NCOA3: variants seen among roughly 807,000 people sequenced by gnomAD.
NCOA3 encodes the protein CBP-interacting protein.
Under a neutral mutation model 158.8 loss-of-function variants are expected in NCOA3, and 51 were observed. The ratio of observed to expected loss-of-function variants is 0.32; its 90% CI spans 0.26 to 0.41. The LOEUF is 0.41. Among genes scored for constraint, NCOA3 ranks in the 10% least tolerant of loss-of-function variants. The probability of loss-of-function intolerance (pLI) is 1.00; values close to 1 mark genes in which losing one functional copy is unlikely to be tolerated. For synonymous variants in NCOA3, 537 were observed against 592.4 expected, an observed-to-expected ratio of 0.91 and a Z score of 1.36; for missense variants, 1,510 against 1,746.6, an observed-to-expected ratio of 0.86 and a Z score of 2.41.
At chr20:47,565,772 G>C (rs1423571361) in intron 1 of NCOA3, among the ~76,000 whole-genome samples, 1 of 152,052 alleles carries the variant, frequency 6.6e-6, no homozygotes, top group Admixed American at 6.6e-5. Context: ...CTAGTAATTA[G>C]GACAGCTGGG....
At chr20:47,630,334 C>T (rs2086392608) in intron 8 of NCOA3, 2 of 152,034 alleles carry the variant, frequency 1.3e-5, no homozygotes, top group East Asian at 1.9e-4. Context: ...TTTAAATCTC[C>T]AGTAGCTTTT....
intron 1 of NCOA3, among the ~76,000 whole-genome samples, chr20:47,513,377 G>T (rs1024722470): frequency 6.6e-6 from 1 of 151,924 alleles, no homozygotes; most frequent in Admixed American, 6.6e-5. Context: ...ATATGAAACT[G>T]AATAAATCAT....
intron 2 of NCOA3, among the ~76,000 whole-genome samples, chr20:47,609,730 A>G (rs77902317): frequency 6.9e-6 from 1 of 145,914 alleles, no homozygotes; most frequent in African/African-American, 2.6e-5. Flanking sequence ...CTCCGTCTCA[A>G]AAAAAAAAAA....
chr20:47,515,194 C>T (rs1343011267), intron 1 of NCOA3, among the ~76,000 whole-genome samples: 2 of 151,190 alleles, frequency 1.3e-5, no homozygotes, highest in Non-Finnish European at 2.9e-5. Flanking sequence ...GATGGAGTCT[C>T]GCTCTGTTGC....
At chr20:47,547,718 C>T (rs950710417) in intron 1 of NCOA3, among the ~76,000 whole-genome samples, 1 of 149,390 alleles carries the variant, frequency 6.7e-6, no homozygotes, top group African/African-American at 2.5e-5. Flanking sequence ...GCGCCCGGCC[C>T]GTTTTGTTAT....
chr20:47,578,996 A>G (rs1018009938), intron 1 of NCOA3, among the ~76,000 whole-genome samples: 6 of 151,944 alleles, frequency 3.9e-5, no homozygotes, highest in African/African-American at 1.5e-4. Context: ...TATAGTTTGG[A>G]TTTTCCTGTG....
intron 1 of NCOA3, among the ~76,000 whole-genome samples, chr20:47,523,781 A>G (rs1032986667): frequency 6.6e-6 from 1 of 152,196 alleles, no homozygotes; most frequent in Non-Finnish European, 1.5e-5. Flanking sequence ...CTTTTTGTCA[A>G]CTATTATCCC....
At position 47,636,157 on chromosome 20, in the gene NCOA3, G is replaced by A; in HGVS notation, c.1771G>A (p.Asp591Asn). Residue 591 changes from aspartate (D) to asparagine (N), a missense_variant, in exon 12 of 23, where the codon GAT (aspartate) becomes AAT (asparagine). This residue lies in a region of NCOA3 where 1,017 missense variants were observed against 1,098.3 expected (regional missense o/e 0.93). Coordinates refer to ENST00000371998, the MANE Select transcript of NCOA3 (RefSeq NM_181659.3). ...ESSMCQSNSRDHLSDKESKES... is the reference protein window; with the variant it reads ...ESSMCQSNSRNHLSDKESKES... The stretch of plus-strand genomic sequence containing the variant: ...TTCAATGTGTCAGTCAAATAGCAGA[G>A]ATCACCTCAGTGACAAAGAAAGTAA... 2 of 1,614,200 alleles carry A rather than the reference G, an allele frequency of 1.2e-6. No homozygotes were observed. The highest frequency in any genetic ancestry group is 1.7e-6 in the Non-Finnish European group (2 of 1,180,038).
chr20:47,522,386 G>T (rs563830843), intron 1 of NCOA3, among the ~76,000 whole-genome samples: 52 of 150,470 alleles, frequency 3.5e-4, no homozygotes, highest in African/African-American at 1.2e-3. Context: ...GATTACAGGC[G>T]TGAGCCACAG....
At chr20:47,632,135 G>C (rs1430602229) in intron 8 of NCOA3, among the ~76,000 whole-genome samples, 8 of 152,200 alleles carry the variant, frequency 5.3e-5, no homozygotes, top group South Asian at 2.1e-4. Flanking sequence ...TTGGGCTTCT[G>C]ATCCTCTCCT....
rs755173294 is a variant in NCOA3, at chr20:47,542,009, G to GTTTTTTTTTTTTTTT, written c.-99+39997_-99+40011dup. On this transcript the variant is annotated intron_variant, in intron 1 of 22. Transcript: ENST00000371998. ...ATCAAATTATTTTTTGCCCTGTAGA[G>GTTTTTTTTTTTTTTT]TTTTTTTTTTTTTTTTTTTTTGTTG... Among the ~76,000 whole-genome samples the GTTTTTTTTTTTTTTT allele has an allele frequency of 4.7e-3, 262 of 56,260 alleles. 2 individuals are homozygous for GTTTTTTTTTTTTTTT. The highest frequency in any genetic ancestry group is 5.6e-3 in the African/African-American group (76 of 13,468). 36.9% of individuals were successfully genotyped at this position (56,260 alleles called of 152,430 possible). A position where few individuals can be genotyped will look rare whatever the true frequency, so the allele number is the denominator to read the frequency against.
chr20:47,588,135 T>TAC (rs2085566334), intron 2 of NCOA3, among the ~76,000 whole-genome samples: 1 of 102,934 alleles, frequency 9.7e-6, no homozygotes, highest in African/African-American at 5.0e-5. Context: ...ACCCCACTTT[T>TAC]TTTTTTTTTT....
intron 8 of NCOA3, among the ~76,000 whole-genome samples, chr20:47,629,390 C>G (rs954632911): frequency 2.6e-4 from 40 of 151,540 alleles, no homozygotes; most frequent in African/African-American, 9.4e-4. Context: ...AGTGCAATGG[C>G]ATGATCTCAG....
intron 1 of NCOA3, among the ~76,000 whole-genome samples, chr20:47,510,288 C>G (rs1389890302): frequency 2.0e-5 from 3 of 151,796 alleles, no homozygotes; most frequent in African/African-American, 7.3e-5. Flanking sequence ...AAAAAATTAG[C>G]TGGGCATGGT....
At chr20:47,572,853 C>T (rs2085315594) in intron 1 of NCOA3, among the ~76,000 whole-genome samples, 1 of 152,086 alleles carries the variant, frequency 6.6e-6, no homozygotes, top group Non-Finnish European at 1.5e-5. Context: ...TAGCTTTTGA[C>T]TTAAAGTGAG....
intron 1 of NCOA3, among the ~76,000 whole-genome samples, chr20:47,521,720 G>A (rs1178838422): frequency 6.6e-6 from 1 of 152,096 alleles, no homozygotes; most frequent in Non-Finnish European, 1.5e-5. Flanking sequence ...AAAAGTAGAA[G>A]GCAAAGAATT....
At chr20:47,610,845 A>G (rs1386441865) in intron 2 of NCOA3, among the ~76,000 whole-genome samples, 1 of 152,242 alleles carries the variant, frequency 6.6e-6, no homozygotes, top group Non-Finnish European at 1.5e-5. Context: ...TCAGTGTTGC[A>G]GGTGAACAAA....
Position 47,623,978 on chromosome 20 carries a change from C to T in NCOA3, c.151C>T (p.Leu51=), listed in dbSNP as rs139010032. 6.2e-7 allele frequency: 1 copy of T among 1,613,002 alleles called. No homozygotes were observed. Among genetic ancestry groups the T allele is most frequent in the Non-Finnish European group, 8.5e-7 (1 of 1,179,376 alleles). The change falls in exon 4 of 23, where the codon CTG becomes TTG. Residue 51 remains leucine (L), a synonymous_variant. Transcript: ENST00000371998. ...TAAATATATTGAAGAATTGGCTGAG[C>T]TGATATCTGCCAATCTTAGTGATAT... ...ESKYIEELAE[L]ISANLSDIDN...
chr20:47,560,968 C>CTT (rs11481985), intron 1 of NCOA3, among the ~76,000 whole-genome samples: 8,028 of 101,078 alleles, frequency 0.079, 553 homozygotes, highest in Non-Finnish European at 0.1. Flanking sequence ...ATCCCTCATT[C>CTT]TTTTTTTTTT....
Sources: allele counts gnomAD v4.1 joint callset (sites outside exome capture counted in the v4.1 genomes callset), GRCh38; gene constraint gnomAD v4.1.1; regional missense constraint gnomAD v4.1.1; transcripts MANE v1.5; gene names NCBI Gene and HGNC (gene_info 2026-07-23, HGNC 2026-07-21).